The following NRG3 variants were observed in gnomAD, a reference collection of about 807,000 sequenced individuals.
NRG3 encodes pro-neuregulin-3, membrane-bound isoform.
NRG3 carries 31 observed loss-of-function variants against 66.9 expected under a neutral mutation model. That is an observed-to-expected ratio of 0.46 (90% CI 0.35 to 0.63). The LOEUF (loss-of-function observed/expected upper bound fraction) is 0.63. NRG3 is among the 20% of genes least tolerant of loss of function. NRG3 has a pLI of 0.00. For synonymous variants in NRG3, 393 were observed against 359.4 expected (o/e 1.09, Z -1.06); for missense variants, 910 against 878.9 (o/e 1.04, Z -0.45).
At chr10:82,275,135 A>G (rs2078778918) in intron 1 of NRG3, among the ~76,000 whole-genome samples, 1 of 152,074 alleles carries the variant, frequency 6.6e-6, no homozygotes, top group Non-Finnish European at 1.5e-5. Flanking sequence ...TAACCTAACA[A>G]TGAATATAAA....
chr10:82,203,304 A>T (rs2074942755), intron 1 of NRG3, among the ~76,000 whole-genome samples: 1 of 152,194 alleles, frequency 6.6e-6, no homozygotes, highest in African/African-American at 2.4e-5. Flanking sequence ...GTAAATGGAC[A>T]GTAGGCTACA....
Position 82,461,224 on chromosome 10 carries a change from CAA to C in NRG3, c.953+102357_953+102358del, listed in dbSNP as rs1491129164. Among the ~76,000 whole-genome samples, 778 of 151,494 alleles carry C rather than the reference CAA, an allele frequency of 5.1e-3. 7 individuals are homozygous for C. The highest frequency in any genetic ancestry group is 0.018 in the African/African-American group (753 of 41,264). On this transcript the variant is annotated intron_variant, in intron 2 of 8. Coordinates refer to ENST00000372141, the MANE Select transcript of NRG3 (RefSeq NM_001010848.4). ...CCACCATTAACACCATTACCACCATCAACACCACCACCACCACCACCACTGCC... is the reference window on the plus strand; with the variant it reads ...CCACCATTAACACCATTACCACCATCCACCACCACCACCACCACCACTGCC...
intron 1 of NRG3, among the ~76,000 whole-genome samples, chr10:82,262,643 A>G (rs1052136304): frequency 1.3e-5 from 2 of 152,182 alleles, no homozygotes; most frequent in Admixed American, 6.5e-5. Context: ...AGCATCTGTG[A>G]ACTCCTTACT....
intron 1 of NRG3, among the ~76,000 whole-genome samples, chr10:82,196,452 A>C (rs2074454126): frequency 6.6e-6 from 1 of 152,200 alleles, no homozygotes. Flanking sequence ...GAGAAATGCA[A>C]GAGCTGGGTT....
chr10:81,965,114 G>T (rs1057358288), intron 1 of NRG3, among the ~76,000 whole-genome samples: 1 of 152,150 alleles, frequency 6.6e-6, no homozygotes, highest in Non-Finnish European at 1.5e-5. Context: ...TGTTCCTGAC[G>T]AATTTCCGGA....
At chr10:82,557,226 CA>C (rs2044709652) in intron 2 of NRG3, among the ~76,000 whole-genome samples, 5 of 152,168 alleles carry the variant, frequency 3.3e-5, no homozygotes, top group Admixed American at 3.3e-4. Context: ...CTGCTTTCCA[CA>C]ATGGTTGAAC....
intron 6 of NRG3, among the ~76,000 whole-genome samples, chr10:82,965,573 TA>T (rs1226052420): frequency 3.3e-5 from 5 of 152,016 alleles, no homozygotes; most frequent in African/African-American, 1.2e-4. Flanking sequence ...TTGACCCTAC[TA>T]AAAATCCAAA....
At chr10:82,424,985 C>T (rs377277368) in intron 2 of NRG3, among the ~76,000 whole-genome samples, 17 of 152,100 alleles carry the variant, frequency 1.1e-4, no homozygotes, top group African/African-American at 3.1e-4. Flanking sequence ...AAATCTATTC[C>T]ATTGATCTAT....
intron 1 of NRG3, among the ~76,000 whole-genome samples, chr10:82,127,413 G>C (rs1308353150): frequency 2.6e-5 from 4 of 152,042 alleles, no homozygotes; most frequent in Non-Finnish European, 4.4e-5. Context: ...CATGACTTAT[G>C]TTTCATAATG....
At chr10:82,308,901 C>A (rs2080884289) in intron 1 of NRG3, among the ~76,000 whole-genome samples, 1 of 152,168 alleles carries the variant, frequency 6.6e-6, no homozygotes. Flanking sequence ...GGGTTCTCTA[C>A]TAAGGAGCCA....
At chr10:82,526,317 G>A (rs1454842757) in intron 2 of NRG3, among the ~76,000 whole-genome samples, 1 of 150,986 alleles carries the variant, frequency 6.6e-6, no homozygotes, top group Non-Finnish European at 1.5e-5. Context: ...ATAGAATAGT[G>A]GATAAAATAA....
intron 1 of NRG3, among the ~76,000 whole-genome samples, chr10:82,055,204 C>T (rs1316388049): frequency 1.3e-5 from 2 of 151,854 alleles, no homozygotes; most frequent in African/African-American, 2.4e-5. Context: ...AGAAGCCGAG[C>T]GCGGTGGCTC....
intron 2 of NRG3, among the ~76,000 whole-genome samples, chr10:82,659,947 A>G (rs2052198616): frequency 6.6e-6 from 1 of 151,864 alleles, no homozygotes; most frequent in African/African-American, 2.4e-5. Context: ...TGTAATCCCA[A>G]CACTTTGGGA....
intron 2 of NRG3, among the ~76,000 whole-genome samples, chr10:82,371,271 G>T (rs931349183): frequency 1.3e-5 from 2 of 152,084 alleles, no homozygotes; most frequent in African/African-American, 4.8e-5. Context: ...TATCAAATGA[G>T]AAATTAAGGA....
At chr10:82,763,635 A>G (rs1049909512) in intron 3 of NRG3, among the ~76,000 whole-genome samples, 4 of 151,976 alleles carry the variant, frequency 2.6e-5, no homozygotes, top group Non-Finnish European at 5.9e-5. Flanking sequence ...CCCAAGATAA[A>G]TGAGAAACAA....
chr10:82,669,248 G>GTAATAATAATAA (rs5786560), intron 2 of NRG3, among the ~76,000 whole-genome samples: 13 of 143,028 alleles, frequency 9.1e-5, no homozygotes, highest in Admixed American at 7.8e-4. Context: ...ATTTATGATG[G>GTAATAATAATAA]TAATAATAAT....
intron 1 of NRG3, among the ~76,000 whole-genome samples, chr10:81,910,196 TC>T (rs1166919774): frequency 6.6e-6 from 1 of 152,206 alleles, no homozygotes; most frequent in East Asian, 1.9e-4. Flanking sequence ...TTTCACATAA[TC>T]TATTTCTTGC....
intron 1 of NRG3, among the ~76,000 whole-genome samples, chr10:81,992,797 A>T (rs764610409): frequency 5.3e-5 from 8 of 152,134 alleles, no homozygotes; most frequent in Non-Finnish European, 7.4e-5. Flanking sequence ...TCTCTGTATG[A>T]TAGCAACTCC....
intron 1 of NRG3, among the ~76,000 whole-genome samples, chr10:81,884,478 C>T (rs758510745): frequency 5.9e-5 from 9 of 152,206 alleles, no homozygotes; most frequent in Non-Finnish European, 1.3e-4. Context: ...TCTCCATACA[C>T]ATCCTTGGGT....
Sources: gnomAD v4.1 joint callset for allele counts (sites outside exome capture counted in the v4.1 genomes callset) on GRCh38, gnomAD v4.1.1 for gene constraint, MANE v1.5 for transcripts, NCBI Gene and HGNC (gene_info 2026-07-23, HGNC 2026-07-21) for gene names.